ATXN8OS: variants seen among roughly 807,000 people sequenced by gnomAD.
ATXN8OS encodes the protein ATXN8 opposite strand lncRNA, also known as ATXN8 opposite strand (non-protein coding).
intron 1 of ATXN8OS, among the ~76,000 whole-genome samples, chr13:70,114,043 A>T (rs1353479358): frequency 6.6e-6 from 1 of 152,254 alleles, no homozygotes; most frequent in Non-Finnish European, 1.5e-5. Context: ...CAAATAAATT[A>T]TATATTCAGA....
At chr13:70,119,483 T>C (rs1351620222) in intron 2 of ATXN8OS, among the ~76,000 whole-genome samples, 1 of 152,172 alleles carries the variant, frequency 6.6e-6, no homozygotes, top group Non-Finnish European at 1.5e-5. Context: ...AATAAATCTT[T>C]AGAGTAAAGC....
intron 3 of ATXN8OS, among the ~76,000 whole-genome samples, chr13:70,135,811 T>C (rs1888606293): frequency 1.3e-5 from 2 of 152,184 alleles, no homozygotes; most frequent in Non-Finnish European, 1.5e-5. Flanking sequence ...AGATATATAG[T>C]ACATGACATA....
At chr13:70,152,265 C>G (rs935819117) in intron 4 of ATXN8OS, among the ~76,000 whole-genome samples, 4 of 151,844 alleles carry the variant, frequency 2.6e-5, no homozygotes. Context: ...TCTGAGCTTC[C>G]CATCTAAGTA....
chr13:70,154,958 C>T (rs1379024743), intron 4 of ATXN8OS, among the ~76,000 whole-genome samples: 1 of 152,170 alleles, frequency 6.6e-6, no homozygotes, highest in Non-Finnish European at 1.5e-5. Flanking sequence ...CTTTGTCTTG[C>T]CTCTGTATCC....
chr13:70,167,562 A>G (rs1177871470), intron 4 of ATXN8OS, among the ~76,000 whole-genome samples: 1 of 151,956 alleles, frequency 6.6e-6, no homozygotes, highest in Admixed American at 6.6e-5. Context: ...CTAATGCTAA[A>G]TGAAGAGTTA....
chr13:70,149,248 C>T (rs893635676), intron 4 of ATXN8OS, among the ~76,000 whole-genome samples: 29 of 152,032 alleles, frequency 1.9e-4, no homozygotes, highest in African/African-American at 6.5e-4. Context: ...CATAATTACT[C>T]GTGCACTTCA....
chr13:70,130,928 T>C lies in ATXN8OS; in HGVS notation n.499+1044T>C, dbSNP rs776787191. 96 of 398,232 alleles carry C rather than the reference T, an allele frequency of 2.4e-4. 1 individual carries two copies. Among genetic ancestry groups the C allele is most frequent in the Non-Finnish European group, 3.6e-4 (82 of 225,964 alleles). The allele number at this position is 398,232 out of a possible 1,614,324, so 24.7% of individuals were successfully genotyped here. A position where few individuals can be genotyped will look rare whatever the true frequency, so the allele number is the denominator to read the frequency against. On this transcript the variant is annotated intron_variant and non_coding_transcript_variant, in intron 3 of 4. Coordinates refer to ENST00000678624, the Ensembl canonical transcript of ATXN8OS. ...ATAGATAAATCTCTCATGTTAACTATGGAAAAAATAAAGGAAGATGACGTA... is the reference window on the plus strand; with the variant it reads ...ATAGATAAATCTCTCATGTTAACTACGGAAAAAATAAAGGAAGATGACGTA...
At chr13:70,152,964 A>C (rs917960408) in intron 4 of ATXN8OS, among the ~76,000 whole-genome samples, 1 of 151,862 alleles carries the variant, frequency 6.6e-6, no homozygotes, top group African/African-American at 2.4e-5. Context: ...GAGCCTAATC[A>C]GAAGTCAAAA....
At chr13:70,115,601 G>T (rs892734064) in intron 2 of ATXN8OS, among the ~76,000 whole-genome samples, 1 of 152,068 alleles carries the variant, frequency 6.6e-6, no homozygotes, top group Non-Finnish European at 1.5e-5. Flanking sequence ...GGATGGTTCT[G>T]CAGGGCAAAG....
At chr13:70,131,097 G>T (rs1271445835) in intron 3 of ATXN8OS, 2 of 398,458 alleles carry the variant, frequency 5.0e-6, no homozygotes, top group South Asian at 2.5e-4. Context: ...ATTCTTCCCT[G>T]CTCTTCCCAA....
In ATXN8OS at chr13:70,167,723, C is replaced by CTTTTTTTTTTTTTTTTTTTTTTTTTTT. The variant is rs4053603; in HGVS notation, n.574-2004_574-2003insTTTTTTTTTTTTTTTTTTTTTTTTTTT. Among the ~76,000 whole-genome samples the CTTTTTTTTTTTTTTTTTTTTTTTTTTT allele has an allele frequency of 1.1e-4, 7 of 61,882 alleles. 2 individuals are homozygous for CTTTTTTTTTTTTTTTTTTTTTTTTTTT. Among genetic ancestry groups the CTTTTTTTTTTTTTTTTTTTTTTTTTTT allele is most frequent in the African/African-American group, 2.8e-4 (5 of 17,822 alleles). 40.6% of individuals were successfully genotyped at this position (61,882 alleles called of 152,430 possible). On this transcript the variant is annotated intron_variant and non_coding_transcript_variant, in intron 4 of 4. Transcript: ENST00000678624. ...AATACTATCACAACATATGTAACTT[C>CTTTTTTTTTTTTTTTTTTTTTTTTTTT]TTTTTTTTTTTTTTTTTTTTTTTTT... is the stretch of plus-strand genomic sequence containing the variant.
At chr13:70,158,242 A>G (rs2137503166) in intron 4 of ATXN8OS, among the ~76,000 whole-genome samples, 1 of 152,016 alleles carries the variant, frequency 6.6e-6, no homozygotes, top group East Asian at 2.0e-4. Context: ...ATATGGTGAA[A>G]CCCTGTCTCT....
At chr13:70,130,852 T>C in intron 3 of ATXN8OS, 1 of 398,490 alleles carries the variant, frequency 2.5e-6, no homozygotes, top group Non-Finnish European at 4.4e-6. Context: ...GTTGAAGGTA[T>C]AGAGAAGGCA....
intron 4 of ATXN8OS, among the ~76,000 whole-genome samples, chr13:70,162,642 A>G (rs946421195): frequency 2.0e-5 from 3 of 152,024 alleles, no homozygotes; most frequent in Non-Finnish European, 4.4e-5. Flanking sequence ...TTGATTTGAT[A>G]TAAGAAACTG....
chr13:70,107,968 C>T, exon 1 of ATXN8OS: 2 of 443,726 alleles, frequency 4.5e-6, no homozygotes, highest in South Asian at 6.6e-5. Context: ...GACTGGGACG[C>T]CAAAAGCTGA....
At chr13:70,161,609 A>G (rs1342400228) in intron 4 of ATXN8OS, among the ~76,000 whole-genome samples, 3 of 150,794 alleles carry the variant, frequency 2.0e-5, no homozygotes, top group African/African-American at 7.3e-5. Context: ...TCCAAAGTAG[A>G]TATCATTGCC....
chr13:70,146,001 A>C (rs1285436895), intron 3 of ATXN8OS, among the ~76,000 whole-genome samples: 1 of 141,478 alleles, frequency 7.1e-6, no homozygotes, highest in East Asian at 2.2e-4. Flanking sequence ...GAAAATTTTC[A>C]CAACCTACTC....
upstream of ATXN8OS, chr13:70,107,758 G>A: frequency 1.5e-6 from 2 of 1,345,988 alleles, no homozygotes; most frequent in South Asian, 1.5e-5. Context: ...TGGTCAGCAG[G>A]TGGGGGAGGA....
At chr13:70,139,677 T>A (rs540137810) in intron 3 of ATXN8OS, among the ~76,000 whole-genome samples, 1 of 152,122 alleles carries the variant, frequency 6.6e-6, no homozygotes, top group Non-Finnish European at 1.5e-5. Flanking sequence ...ATATACTTAG[T>A]GGAATTTCTC....
Sources: allele counts gnomAD v4.1 joint callset (sites outside exome capture counted in the v4.1 genomes callset), GRCh38; gene constraint gnomAD v4.1.1; transcripts MANE v1.5; gene names NCBI Gene and HGNC (gene_info 2026-07-23, HGNC 2026-07-21).